ZNF440: variants seen among roughly 807,000 people sequenced by gnomAD.
The protein encoded by ZNF440 is zinc finger protein 440.
ZNF440 carries 47 observed loss-of-function variants against 49.7 expected under a neutral mutation model. The ratio of observed to expected loss-of-function variants is 0.95; its 90% confidence interval spans 0.75 to 1.21. The LOEUF (loss-of-function observed/expected upper bound fraction) is 1.21, where lower values mean the gene tolerates loss of function less well. Ranked by LOEUF, ZNF440 falls within the 50% of genes most tolerant of loss-of-function variation. The pLI, the probability that ZNF440 is intolerant of heterozygous loss-of-function variation, is 0.00. For synonymous variants in ZNF440, 255 were observed against 237.7 expected (o/e 1.07, Z -0.67); for missense variants, 703 against 715.0 (o/e 0.98, Z 0.19).
At chr19:11,830,988 C>A (rs992578696) in intron 3 of ZNF440, among the ~76,000 whole-genome samples, 2 of 152,132 alleles carry the variant, frequency 1.3e-5, no homozygotes, top group Admixed American at 1.3e-4. Flanking sequence ...GTAGTCCCAG[C>A]TACTCAGGAG....
chr19:11,830,765 A>G, intron 3 of ZNF440, 88 bp downstream of exon 3: 1 of 1,462,024 alleles, frequency 6.8e-7, no homozygotes, highest in South Asian at 1.3e-5. Flanking sequence ...ACAAAGAACT[A>G]AGTCCAGGAT....
rs945755826 is a variant in ZNF440, at chr19:11,825,174, TAATAAAA to T, written c.4-5093_4-5087del. 1.1e-3 allele frequency among the ~76,000 whole-genome samples: 162 copies of T among 151,838 alleles called. 1 individual carries two copies. The highest frequency in any genetic ancestry group is 3.7e-3 in the African/African-American group (152 of 41,440). On this transcript the variant is annotated intron_variant, in intron 1 of 3. Transcript: ENST00000304060. The stretch of plus-strand genomic sequence containing the variant: ...TTCCAAAAATAAAAAAAATAAAAAA[TAATAAAA>T]AATAAAAAATAAAAACTGTTTGAAA...
rs540288398 is a variant in ZNF440, at chr19:11,818,698, A to T, written c.3+4248A>T. ...TGAGACTATAGTCGCCCACCAGCAC[A>T]CCTGGCTAATTTTTTATTTTTTACA... On this transcript the variant is annotated intron_variant, in intron 1 of 3. Transcript: ENST00000304060. Among the ~76,000 whole-genome samples the T allele has an allele frequency of 1.6e-4, 25 of 152,078 alleles. 1 individual carries two copies. In the South Asian group the frequency reaches 5.2e-3, roughly 32 times the overall value.
intron 1 of ZNF440, among the ~76,000 whole-genome samples, chr19:11,814,719 G>A (rs1568237349): frequency 6.6e-6 from 1 of 152,200 alleles, no homozygotes; most frequent in Non-Finnish European, 1.5e-5. Context: ...GGATATGGGG[G>A]GATCCCGCCT....
Position 11,832,103 on chromosome 19 carries a change from A to C in ZNF440, c.927A>C (p.Lys309Asn). Residue 309 changes from lysine to asparagine, a missense_variant, in exon 4 of 4, where the codon AAA becomes AAC. Physicochemically the swap from Lys to Asn is moderately conservative, Grantham distance 94 (BLOSUM62 0). Coordinates refer to ENST00000304060, the MANE Select transcript of ZNF440 (RefSeq NM_152357.3). ...VRIHERTHSR[K>N]NLYECKQCGK... ...TACATGAAAGGACCCACTCTAGGAAAAATCTCTATGAATGTAAGCAGTGTG... is the reference window on the plus strand; with the variant it reads ...TACATGAAAGGACCCACTCTAGGAACAATCTCTATGAATGTAAGCAGTGTG... 6.2e-7 allele frequency: 1 copy of C among 1,614,182 alleles called. No individual in the cohort carries two copies. Among genetic ancestry groups the C allele is most frequent in the Non-Finnish European group, 8.5e-7 (1 of 1,180,020 alleles).
rs1352016066 is a variant in ZNF440, at chr19:11,833,320, C to T, written c.*356C>T. On this transcript the variant is annotated 3_prime_UTR_variant, in exon 4 of 4. Coordinates refer to ENST00000304060, the MANE Select transcript of ZNF440 (RefSeq NM_152357.3). ...AAAGGATGCACAGAGGAGAGAAGCT[C>T]TGTGAATGTAAGCATTGTGGGAAAG... 8 of 523,444 alleles carry T rather than the reference C, an allele frequency of 1.5e-5. No individual in the cohort carries two copies. In the African/African-American group the frequency reaches 1.6e-4, roughly 10 times the overall value. 32.4% of individuals were successfully genotyped at this position (523,444 alleles called of 1,614,324 possible). A position where few individuals can be genotyped will look rare whatever the true frequency, so the allele number is the denominator to read the frequency against.
chr19:11,815,571 C>CT (rs1376042889), intron 1 of ZNF440, among the ~76,000 whole-genome samples: 1 of 152,030 alleles, frequency 6.6e-6, no homozygotes, highest in Non-Finnish European at 1.5e-5. Flanking sequence ...CCAGTGCCCA[C>CT]TTTTTTCTGT....
At chr19:11,820,899 G>T (rs867636187) in intron 1 of ZNF440, among the ~76,000 whole-genome samples, 6 of 152,170 alleles carry the variant, frequency 3.9e-5, no homozygotes, top group Non-Finnish European at 5.9e-5. Context: ...CTTCAACGGG[G>T]TGGAGCAATA....
chr19:11,831,499 G>A lies in ZNF440; in HGVS notation c.323G>A (p.Ser108Asn), dbSNP rs1243739940. The part of the protein sequence containing the change: ...KASPEVKSCE[S>N]FVCGEVGLGN... ...TCTCCTGAAGTAAAATCATGTGAAA[G>A]CTTTGTGTGTGGAGAAGTTGGCCTA... Residue 108 changes from serine (S) to asparagine (N), a missense_variant, in exon 4 of 4, where the codon AGC becomes AAC. Physicochemically the swap from Ser to Asn is conservative, Grantham distance 46 (BLOSUM62 1). Transcript: ENST00000304060. 1.9e-6 allele frequency: 3 copies of A among 1,613,864 alleles called. No individual in the cohort carries two copies. Among genetic ancestry groups the A allele is most frequent in the Admixed American group, 1.7e-5 (1 of 59,984 alleles).
intron 1 of ZNF440, among the ~76,000 whole-genome samples, chr19:11,826,662 CTTT>C (rs112043377): frequency 4.2e-5 from 6 of 142,274 alleles, no homozygotes; most frequent in African/African-American, 7.8e-5. Context: ...ATTTTTTTTC[CTTT>C]TTTTTTTTTT....
chr19:11,826,320 A>ATT (rs34745315), intron 1 of ZNF440, among the ~76,000 whole-genome samples: 9 of 146,934 alleles, frequency 6.1e-5, no homozygotes, highest in African/African-American at 2.2e-4. Context: ...GACCTTATCT[A>ATT]TTTTTTTTTT....
At chr19:11,826,718 C>T (rs1201313938) in intron 1 of ZNF440, among the ~76,000 whole-genome samples, 1 of 147,558 alleles carries the variant, frequency 6.8e-6, no homozygotes, top group African/African-American at 2.5e-5. Flanking sequence ...GACCGGAGTA[C>T]AATGGTGCGA....
At position 11,834,538 on chromosome 19, in the gene ZNF440, A is replaced by C. The variant is rs905214014; in HGVS notation, c.*1574A>C. On this transcript the variant is annotated 3_prime_UTR_variant, in exon 4 of 4. Coordinates refer to ENST00000304060, the MANE Select transcript of ZNF440 (RefSeq NM_152357.3). ...TACCTGCTGTCAGCAAGGGTGTAATATACCATAGTGATAAATATGACCAAA... is the reference window on the plus strand; with the variant it reads ...TACCTGCTGTCAGCAAGGGTGTAATCTACCATAGTGATAAATATGACCAAA... The C allele has an allele frequency of 6.6e-6, 1 of 152,258 alleles. No homozygotes were observed. The highest frequency in any genetic ancestry group is 6.5e-5 in the Admixed American group (1 of 15,286). 9.4% of individuals were successfully genotyped at this position (152,258 alleles called of 1,614,324 possible).
intron 1 of ZNF440, among the ~76,000 whole-genome samples, chr19:11,828,124 A>G (rs1015546605): frequency 1.3e-5 from 2 of 152,182 alleles, no homozygotes; most frequent in African/African-American, 4.8e-5. Context: ...CCAAAAATGG[A>G]ACACTAGGCA....
chr19:11,829,035 C>A (rs1374224402), intron 1 of ZNF440, among the ~76,000 whole-genome samples: 2 of 152,060 alleles, frequency 1.3e-5, no homozygotes, highest in Non-Finnish European at 2.9e-5. Flanking sequence ...TATATGCTTA[C>A]CACATTTTGT....
chr19:11,815,327 A>ACACACACACACACAC (rs1568237561), intron 1 of ZNF440, among the ~76,000 whole-genome samples: 6 of 68,318 alleles, frequency 8.8e-5, no homozygotes, highest in Middle Eastern at 7.1e-3. Flanking sequence ...CACACACACA[A>ACACACACACACACAC]ATTAAATAGG....
chr19:11,823,020 T>C (rs1387922097), intron 1 of ZNF440, among the ~76,000 whole-genome samples: 6 of 152,136 alleles, frequency 3.9e-5, no homozygotes, highest in African/African-American at 7.2e-5. Context: ...CAAATTACCA[T>C]AGACTGGGTG....
chr19:11,822,386 A>G (rs549799051), intron 1 of ZNF440, among the ~76,000 whole-genome samples: 5 of 152,384 alleles, frequency 3.3e-5, no homozygotes, highest in Admixed American at 2.6e-4. Context: ...AGAACTCAGT[A>G]TAAGAGGCAA....
Position 11,830,634 on chromosome 19 carries a change from C to T in ZNF440, c.148C>T (p.Gln50Ter), listed in dbSNP as rs1430135971. The T allele has an allele frequency of 5.6e-6, 9 of 1,613,870 alleles. No individual in the cohort carries two copies. The highest frequency in any genetic ancestry group is 7.6e-6 in the Non-Finnish European group (9 of 1,179,954). The change falls in exon 3 of 4, where the codon CAG becomes TAG. Residue 50 changes from glutamine to a stop codon, truncating the protein, a stop_gained. Coordinates refer to ENST00000304060, the MANE Select transcript of ZNF440 (RefSeq NM_152357.3). LOFTEE classifies it high-confidence loss of function. ...TATTTTAGGAAAAAGGTGGAAAGAC[C>T]AGAACATTGAATATGAGCACCAAAA... ...LTSLGKRWKD[Q>*]NIEYEHQNPR...
Sources: gnomAD v4.1 joint callset for allele counts (sites outside exome capture counted in the v4.1 genomes callset) on GRCh38, gnomAD v4.1.1 for gene constraint, MANE v1.5 for transcripts, NCBI Gene and HGNC (gene_info 2026-07-23, HGNC 2026-07-21) for gene names.